Variants in PADI4 observed in about 807,000 individuals in gnomAD.
PADI4 encodes the protein peptidyl arginine deiminase 4.
A neutral mutation model predicts 75.0 loss-of-function variants in PADI4; 62 were observed. The observed-to-expected ratio is 0.83, with a 90% CI of 0.67 to 1.02. The LOEUF is 1.02. Ranked by LOEUF, PADI4 falls within the 50% of genes least tolerant of loss-of-function variation. PADI4 has a pLI of 0.00. For synonymous variants in PADI4, 361 were observed against 348.1 expected (o/e 1.04, Z -0.41); for missense variants, 845 against 850.5 (o/e 0.99, Z 0.08).
Position 17,363,746 on chromosome 1 carries a change from G to A in PADI4, c.1983G>A (p.Met661Ile). The A allele has an allele frequency of 1.9e-6, 3 of 1,611,808 alleles. No homozygotes were observed. The highest frequency in any genetic ancestry group is 1.7e-4 in the Middle Eastern group (1 of 6,056). The change falls in exon 16 of 16, where the codon ATG (methionine) becomes ATA (isoleucine). Residue 661 changes from methionine (M) to isoleucine (I), a missense_variant. Met to Ile is a conservative substitution (Grantham distance 10). Transcript: ENST00000375448. ...RKPFSFKWWN[M>I]VP is the part of the protein sequence containing the mutation. ...CCTTCTCCTTCAAGTGGTGGAACAT[G>A]GTGCCCTGAGCCCATCTTCCCTGGC...
At chr1:17,327,603 G>A (rs962694479) in intron 1 of PADI4, among the ~76,000 whole-genome samples, 7 of 151,296 alleles carry the variant, frequency 4.6e-5, no homozygotes, top group Non-Finnish European at 8.8e-5. Context: ...GTACAGTGGC[G>A]TGATCTCAGG....
chr1:17,314,857 A>T (rs867924099), intron 1 of PADI4, among the ~76,000 whole-genome samples: 13 of 152,200 alleles, frequency 8.5e-5, no homozygotes, highest in African/African-American at 2.9e-4. Context: ...GTGCAAAACC[A>T]CAAGCACATG....
intron 15 of PADI4, among the ~76,000 whole-genome samples, 184 bp downstream of exon 15, chr1:17,359,592 G>A (rs1361231533): frequency 6.6e-6 from 1 of 152,116 alleles, no homozygotes; most frequent in East Asian, 1.9e-4. Context: ...CTTTCCACAA[G>A]GTCAGGCTTC....
chr1:17,352,033 T>C (rs1464406842), intron 10 of PADI4, among the ~76,000 whole-genome samples: 919 of 7,024 alleles, frequency 0.13, 94 homozygotes, highest in Admixed American at 0.16. Context: ...AGGGAGGTGA[T>C]GGGAGGAGAG....
chr1:17,360,117 C>T (rs2074827962), intron 15 of PADI4, among the ~76,000 whole-genome samples: 1 of 152,116 alleles, frequency 6.6e-6, no homozygotes, highest in Non-Finnish European at 1.5e-5. Context: ...TGGTGACACC[C>T]CCATCTCTAC....
At chr1:17,361,148 C>A (rs1274863438) in intron 15 of PADI4, among the ~76,000 whole-genome samples, 1 of 148,466 alleles carries the variant, frequency 6.7e-6, no homozygotes, top group African/African-American at 2.5e-5. Flanking sequence ...CTAGGCAGTG[C>A]CAGCCCCACC....
Position 17,355,929 on chromosome 1 carries a change from G to A in PADI4, c.1311-54G>A, listed in dbSNP as rs1570094888. The A allele has an allele frequency of 8.7e-6, 14 of 1,609,416 alleles. No homozygotes were observed. The East Asian group carries it at 3.1e-4, about 36-fold the overall frequency. ...TTTGCCAAGCCCCTTGTCCTTCAGG[G>A]ACTTCCCTGTAGCCCTTGCTGCCGA... On this transcript the variant is annotated intron_variant, in intron 11 of 15. Transcript: ENST00000375448.
At chr1:17,347,881 C>A in intron 9 of PADI4, 60 bp from the exon 10 acceptor site, 2 of 872,406 alleles carry the variant, frequency 2.3e-6, no homozygotes, top group Non-Finnish European at 3.6e-6. Context: ...CCCATCCTGG[C>A]GTCGGGCACC....
At chr1:17,360,687 C>T (rs112196365) in intron 15 of PADI4, among the ~76,000 whole-genome samples, 266 of 152,264 alleles carry the variant, frequency 1.7e-3, no homozygotes, top group African/African-American at 6.2e-3. Flanking sequence ...CCTGGGGCTC[C>T]GGGGTGATGC....
Position 17,356,052 on chromosome 1 carries a change from G to A in PADI4, c.1380G>A (p.Val460=). Residue 460 remains valine (V), a synonymous_variant, in exon 12 of 16, where the codon GTG becomes GTA. Coordinates refer to ENST00000375448, the MANE Select transcript of PADI4 (RefSeq NM_012387.3). The surrounding 1 kb of genome is among the most constrained non-coding windows in gnomAD (Gnocchi z 4.1). ...GTGCCCAGCAGGTGCAGGCCCCTGT[G>A]AAGCTCTATTCTGACTGGCTGTCCG... ...FLSAQQVQAP[V]KLYSDWLSVG... is the part of the protein sequence containing the mutation. 6.2e-7 allele frequency: 1 copy of A among 1,614,166 alleles called. No individual in the cohort carries two copies. The highest frequency in any genetic ancestry group is 1.1e-5 in the South Asian group (1 of 91,082).
At chr1:17,312,458 C>T (rs1174518470) in intron 1 of PADI4, among the ~76,000 whole-genome samples, 4 of 20,696 alleles carry the variant, frequency 1.9e-4, no homozygotes, top group East Asian at 2.4e-3. Context: ...GAAACTCCGC[C>T]TCAAAAAAAA....
Position 17,356,450 on chromosome 1 carries a change from G to C in PADI4, c.1549G>C (p.Gly517Arg), listed in dbSNP as rs368579385. Residue 517 changes from glycine (G) to arginine (R), a missense_variant, in exon 13 of 16, where the codon GGG becomes CGG. Transcript: ENST00000375448. This position sits in a 1 kb window ranked among gnomAD's most constrained non-coding sequence, Gnocchi z 4.1. ...CCACGGGGAGGCCCTGCTGTTCGAA[G>C]GGATCAAGAGTAAGTCGGCCCTGCC... is the stretch of plus-strand genomic sequence containing the variant. ...EGHGEALLFE[G>R]IKKKKQQKIK... is the part of the protein sequence containing the mutation. 2 of 1,600,880 alleles carry C rather than the reference G, an allele frequency of 1.2e-6. No homozygotes were observed. Among genetic ancestry groups the C allele is most frequent in the Non-Finnish European group, 1.7e-6 (2 of 1,168,586 alleles).
intron 4 of PADI4, among the ~76,000 whole-genome samples, chr1:17,336,887 G>A (rs1481065618): frequency 1.3e-5 from 2 of 152,162 alleles, no homozygotes; most frequent in African/African-American, 2.4e-5. Flanking sequence ...TATCCCTCCC[G>A]AAATGCAGTC....
chr1:17,331,718 G>C (rs1057483445), intron 2 of PADI4, among the ~76,000 whole-genome samples: 1 of 152,106 alleles, frequency 6.6e-6, no homozygotes, highest in Admixed American at 6.5e-5. Context: ...AGGAGTTTGA[G>C]ACCAGCCTGG....
intron 1 of PADI4, 132 bp downstream of exon 1, chr1:17,308,446 G>A (rs1349909688): frequency 4.3e-6 from 3 of 696,986 alleles, no homozygotes; most frequent in Non-Finnish European, 7.4e-6. Context: ...CAGGGGAGTA[G>A]CTGGAGAGAG....
intron 1 of PADI4, 94 bp downstream of exon 1, chr1:17,308,408 T>G: frequency 1.0e-6 from 1 of 988,740 alleles, no homozygotes; most frequent in South Asian, 1.4e-5. Flanking sequence ...TGGCCCAGGC[T>G]CTAGGCTCCA....
rs1040997944 is a variant in PADI4, at chr1:17,346,039, A to G, written c.947A>G (p.Asn316Ser). 1 of 1,608,756 alleles carries G rather than the reference A, an allele frequency of 6.2e-7. No homozygotes were observed. The highest frequency in any genetic ancestry group is 8.5e-7 in the Non-Finnish European group (1 of 1,175,196). Reference protein sequence around the residue: ...QEVYACSIFENEDFLKSVTTL... With the variant: ...QEVYACSIFESEDFLKSVTTL... ...TCTGCTCTCTCTAGTATTTTTGAAA[A>G]TGAGGACTTCCTGAAGTCAGTGACT... The change falls in exon 9 of 16, where the codon AAT (asparagine) becomes AGT (serine). Residue 316 changes from asparagine (N) to serine (S), a missense_variant. Transcript: ENST00000375448. The surrounding 1 kb of genome is among the most constrained non-coding windows in gnomAD (Gnocchi z 4.3).
At chr1:17,352,071 A>AGG (rs138781540) in intron 10 of PADI4, among the ~76,000 whole-genome samples, 18 of 124,804 alleles carry the variant, frequency 1.4e-4, no homozygotes, top group South Asian at 2.5e-4. Flanking sequence ...GGGAGGTGGG[A>AGG]AGAGAGGCAG....
chr1:17,359,416 G>C lies in PADI4; in HGVS notation c.1758+8G>C. 1 of 1,614,028 alleles carries C rather than the reference G, an allele frequency of 6.2e-7. No individual in the cohort carries two copies. Among genetic ancestry groups the C allele is most frequent in the Admixed American group, 1.7e-5 (1 of 60,020 alleles). ...GCTTTTTTCCCCAACATGGTGAGGA[G>C]GTGGCGGCTTTAAAACCCCAGGGTG... On this transcript the variant is annotated splice_region_variant and intron_variant, in intron 15 of 15. Coordinates refer to ENST00000375448, the MANE Select transcript of PADI4 (RefSeq NM_012387.3).
Sources: allele counts gnomAD v4.1 joint callset (sites outside exome capture counted in the v4.1 genomes callset), GRCh38; gene constraint gnomAD v4.1.1; non-coding constraint Gnocchi (gnomAD v3.1); transcripts MANE v1.5; gene names NCBI Gene and HGNC (gene_info 2026-07-23, HGNC 2026-07-21).